PTPRT: variants seen among roughly 807,000 people sequenced by gnomAD.
The protein encoded by PTPRT is protein tyrosine phosphatase receptor type T.
PTPRT carries 56 observed loss-of-function variants against 176.8 expected under a neutral mutation model. The observed-to-expected ratio is 0.32, with a 90% CI of 0.26 to 0.40. PTPRT has a LOEUF of 0.40. Among genes scored for constraint, PTPRT ranks in the 10% least tolerant of loss-of-function variants. PTPRT has a pLI of 1.00. For synonymous variants in PTPRT, 783 were observed against 739.0 expected (o/e 1.06, Z -0.96); for missense variants, 1,540 against 1,908.2 (o/e 0.81, Z 3.60).
intron 7 of PTPRT, among the ~76,000 whole-genome samples, chr20:42,561,669 GT>G (rs1311306988): frequency 2.0e-5 from 3 of 152,166 alleles, no homozygotes; most frequent in Admixed American, 6.5e-5. Context: ...TCCACACTTG[GT>G]CATGCTGCTT....
intron 12 of PTPRT, among the ~76,000 whole-genome samples, chr20:42,310,163 C>T (rs1231096266): frequency 3.3e-5 from 5 of 151,912 alleles, no homozygotes; most frequent in East Asian, 1.9e-4. Context: ...GTTCAAGACA[C>T]GAGGCTTAGT....
chr20:42,352,328 A>G (rs572606672), intron 9 of PTPRT, 43 bp from the exon 10 acceptor site: 2 of 1,601,332 alleles, frequency 1.2e-6, no homozygotes, highest in East Asian at 4.5e-5. Flanking sequence ...TAAATGCCTC[A>G]CTCAGGAAGC....
chr20:42,185,155 A>G (rs1402458604), intron 16 of PTPRT, among the ~76,000 whole-genome samples: 4 of 152,144 alleles, frequency 2.6e-5, no homozygotes, highest in African/African-American at 7.2e-5. Flanking sequence ...GACCACATAG[A>G]TTAAACCCAT....
chr20:42,948,484 G>A (rs1206889254), intron 1 of PTPRT, among the ~76,000 whole-genome samples: 1 of 152,174 alleles, frequency 6.6e-6, no homozygotes, highest in Non-Finnish European at 1.5e-5. Context: ...ACAAGCCAAT[G>A]TAAGTGTGGC....
intron 4 of PTPRT, among the ~76,000 whole-genome samples, chr20:42,779,844 G>GGT (rs2077189247): frequency 9.4e-6 from 1 of 106,044 alleles, no homozygotes; most frequent in African/African-American, 2.7e-5. Flanking sequence ...TTTTGGTGGT[G>GGT]GTGTGTTTTT....
intron 7 of PTPRT, among the ~76,000 whole-genome samples, chr20:42,520,866 T>G (rs927675429): frequency 1.3e-5 from 2 of 151,364 alleles, no homozygotes; most frequent in Non-Finnish European, 2.9e-5. Flanking sequence ...GATAGATAGA[T>G]AGATAGATAG....
intron 2 of PTPRT, among the ~76,000 whole-genome samples, chr20:42,831,678 T>C (rs1222168003): frequency 6.6e-6 from 1 of 152,054 alleles, no homozygotes; most frequent in Non-Finnish European, 1.5e-5. Context: ...TAAACACATT[T>C]ATGAGAGAAA....
At chr20:43,113,420 T>C (rs2012941547) in intron 1 of PTPRT, among the ~76,000 whole-genome samples, 2 of 152,380 alleles carry the variant, frequency 1.3e-5, no homozygotes, top group South Asian at 2.1e-4. Context: ...AAGTTATTTA[T>C]AGAACAGTTC....
chr20:42,950,083 T>C (rs1981143631), intron 1 of PTPRT, among the ~76,000 whole-genome samples: 1 of 152,178 alleles, frequency 6.6e-6, no homozygotes, highest in Admixed American at 6.5e-5. Flanking sequence ...AGTGTTATTA[T>C]AATAACAGTG....
At chr20:42,087,955 T>C (rs1393548438) in intron 27 of PTPRT, among the ~76,000 whole-genome samples, 1 of 150,418 alleles carries the variant, frequency 6.6e-6, no homozygotes, top group African/African-American at 2.4e-5. Flanking sequence ...GTTAAGCCAC[T>C]AGATAACTTT....
intron 9 of PTPRT, among the ~76,000 whole-genome samples, chr20:42,353,280 T>C (rs112451968): frequency 6.6e-6 from 1 of 152,208 alleles, no homozygotes; most frequent in Non-Finnish European, 1.5e-5. Flanking sequence ...CAGATAGCGA[T>C]TGCTGACTGG....
chr20:42,616,203 C>T lies in PTPRT; in HGVS notation c.1153+61663G>A, dbSNP rs1158985302. ...CATTTATTAAATAGGGAATCCTTTCCCCATTGCTTGTTTTTCTCAGGTTTG... is the reference window on the plus strand; with the variant it reads ...CATTTATTAAATAGGGAATCCTTTCTCCATTGCTTGTTTTTCTCAGGTTTG... On this transcript the variant is annotated intron_variant, in intron 7 of 30. Coordinates refer to ENST00000373187, the MANE Select transcript of PTPRT (RefSeq NM_007050.6). Among the ~76,000 whole-genome samples the T allele has an allele frequency of 4.8e-5, 6 of 124,062 alleles. 1 individual carries two copies. Among genetic ancestry groups the T allele is most frequent in the Admixed American group, 4.4e-4 (6 of 13,514 alleles). The allele number at this position is 124,062 out of a possible 152,430, so 81.4% of individuals were successfully genotyped here.
intron 6 of PTPRT, among the ~76,000 whole-genome samples, chr20:42,711,257 T>C (rs1410532289): frequency 6.6e-6 from 1 of 152,146 alleles, no homozygotes; most frequent in African/African-American, 2.4e-5. Flanking sequence ...ACATGATATT[T>C]GGGGTCCAGG....
At chr20:42,538,817 C>T (rs912621121) in intron 7 of PTPRT, among the ~76,000 whole-genome samples, 3 of 152,092 alleles carry the variant, frequency 2.0e-5, no homozygotes, top group Non-Finnish European at 4.4e-5. Context: ...TTCTTCCTGC[C>T]CACTCTCCAC....
intron 7 of PTPRT, among the ~76,000 whole-genome samples, chr20:42,499,290 A>C (rs185645889): frequency 1.1e-3 from 160 of 151,552 alleles, no homozygotes; most frequent in Non-Finnish European, 1.8e-3. Flanking sequence ...AGTTTTGATA[A>C]ACTTTTTTTT....
At chr20:42,984,091 CAA>C (rs1341314437) in intron 1 of PTPRT, among the ~76,000 whole-genome samples, 14 of 152,368 alleles carry the variant, frequency 9.2e-5, no homozygotes, top group Non-Finnish European at 1.8e-4. Context: ...CCAAAACATA[CAA>C]GTTAATAGGC....
chr20:42,286,804 G>A (rs1415461052), intron 12 of PTPRT, among the ~76,000 whole-genome samples: 1 of 151,662 alleles, frequency 6.6e-6, no homozygotes, highest in Non-Finnish European at 1.5e-5. Flanking sequence ...AGAGTACAAA[G>A]GCAACCTACA....
chr20:42,611,487 G>T (rs2073975249), intron 7 of PTPRT, among the ~76,000 whole-genome samples: 1 of 152,178 alleles, frequency 6.6e-6, no homozygotes, highest in Non-Finnish European at 1.5e-5. Context: ...GCCTGTCAAG[G>T]TTGCAAAGCT....
chr20:43,168,446 G>T (rs897147766), intron 1 of PTPRT, among the ~76,000 whole-genome samples: 1 of 152,140 alleles, frequency 6.6e-6, no homozygotes, highest in African/African-American at 2.4e-5. Flanking sequence ...CATGAGGAAG[G>T]GGGTATCCTC....
Sources: allele counts gnomAD v4.1 joint callset (sites outside exome capture counted in the v4.1 genomes callset), GRCh38; gene constraint gnomAD v4.1.1; transcripts MANE v1.5; gene names NCBI Gene and HGNC (gene_info 2026-07-23, HGNC 2026-07-21).